Variants in ARSG observed in about 807,000 individuals in gnomAD.
ARSG encodes the protein ASG.
ARSG carries 37 observed loss-of-function variants against 50.5 expected under a neutral mutation model. The ratio of observed to expected loss-of-function variants is 0.73; its 90% confidence interval spans 0.56 to 0.96. ARSG has a LOEUF of 0.96. ARSG is among the 50% of genes least tolerant of loss of function. The probability of loss-of-function intolerance (pLI) is 0.00; values close to 1 mark genes in which losing one functional copy is unlikely to be tolerated. For missense variants in ARSG, 629 were observed against 675.3 expected (o/e 0.93, Z 0.76); for synonymous variants, 225 against 254.6 (o/e 0.88, Z 1.11).
intron 2 of ARSG, among the ~76,000 whole-genome samples, chr17:68,331,229 CTTTG>C (rs1191436964): frequency 0.024 from 598 of 24,452 alleles, 15 homozygotes; most frequent in East Asian, 0.061. Context: ...TTCTTTCTTT[CTTTG>C]TTTCTTTCTT....
At chr17:68,320,791 A>G (rs868921096) in intron 2 of ARSG, among the ~76,000 whole-genome samples, 2 of 152,194 alleles carry the variant, frequency 1.3e-5, no homozygotes, top group Non-Finnish European at 2.9e-5. Context: ...GTCACGTTGC[A>G]GTGATCTCCA....
At chr17:68,306,759 A>AT (rs2076625297) in intron 1 of ARSG, among the ~76,000 whole-genome samples, 184 bp from the exon 2 acceptor site, 1 of 152,158 alleles carries the variant, frequency 6.6e-6, no homozygotes. Context: ...CCCTGTCGCT[A>AT]TAGGTCCATT....
intron 5 of ARSG, 54 bp downstream of exon 5, chr17:68,351,740 G>C: frequency 1.7e-6 from 2 of 1,188,794 alleles, no homozygotes; most frequent in South Asian, 2.4e-5. Flanking sequence ...AAAGTTCCAA[G>C]ACTGTGGTCC....
chr17:68,417,769 A>C (rs1399554813), intron 11 of ARSG, among the ~76,000 whole-genome samples: 2 of 32,132 alleles, frequency 6.2e-5, no homozygotes, highest in Admixed American at 6.1e-4. Context: ...TTTTTTTGAG[A>C]TGGAGTCTCA....
At chr17:68,329,220 G>A (rs1487436669) in intron 2 of ARSG, among the ~76,000 whole-genome samples, 1 of 152,250 alleles carries the variant, frequency 6.6e-6, no homozygotes, top group Non-Finnish European at 1.5e-5. Context: ...CCTGAGGCCA[G>A]AACCAGCTGG....
chr17:68,384,421 G>A (rs1302097537), intron 8 of ARSG, among the ~76,000 whole-genome samples: 2 of 152,140 alleles, frequency 1.3e-5, no homozygotes, highest in Non-Finnish European at 2.9e-5. Flanking sequence ...TAGATTGCAC[G>A]TAGTTGTTTC....
At chr17:68,280,207 T>C (rs1024784761) in intron 1 of ARSG, among the ~76,000 whole-genome samples, 23 of 148,066 alleles carry the variant, frequency 1.6e-4, no homozygotes, top group African/African-American at 5.7e-4. Flanking sequence ...AAAAGAATTA[T>C]TTATATATGA....
At chr17:68,417,916 G>C (rs2082496100) in intron 11 of ARSG, among the ~76,000 whole-genome samples, 1 of 151,650 alleles carries the variant, frequency 6.6e-6, no homozygotes, top group African/African-American at 2.4e-5. Context: ...ATTTTTAGTA[G>C]AGACGGGGTT....
intron 11 of ARSG, 70 bp downstream of exon 11, chr17:68,401,520 C>T: frequency 7.0e-7 from 1 of 1,424,240 alleles, no homozygotes; most frequent in Non-Finnish European, 9.8e-7. Context: ...GACTCTCACC[C>T]AGGCCTCTGG....
chr17:68,426,609 T>C (rs1402989458), downstream of ARSG, among the ~76,000 whole-genome samples: 1 of 152,214 alleles, frequency 6.6e-6, no homozygotes, highest in Non-Finnish European at 1.5e-5. Flanking sequence ...CTCAGCTCAC[T>C]GCAATCTCCG....
chr17:68,435,980 A>C, the ARSG span, among the ~76,000 whole-genome samples: 1 of 152,352 alleles, frequency 6.6e-6, no homozygotes, highest in South Asian at 2.1e-4. Context: ...ATGCCGTCGC[A>C]GGCGCGCCCT....
At chr17:68,316,168 C>T (rs2077063255) in intron 2 of ARSG, among the ~76,000 whole-genome samples, 2 of 152,298 alleles carry the variant, frequency 1.3e-5, no homozygotes, top group South Asian at 2.1e-4. Flanking sequence ...CTCTTATTGG[C>T]GAGGTCTCTC....
chr17:68,377,527 G>A (rs754940183), intron 8 of ARSG, among the ~76,000 whole-genome samples: 3 of 152,198 alleles, frequency 2.0e-5, no homozygotes, highest in Non-Finnish European at 2.9e-5. Context: ...AGGTGGGGTT[G>A]TGGACCATTC....
At chr17:68,283,394 G>A (rs1024123471) in intron 1 of ARSG, among the ~76,000 whole-genome samples, 1 of 151,998 alleles carries the variant, frequency 6.6e-6, no homozygotes, top group Non-Finnish European at 1.5e-5. Flanking sequence ...GGTGGCGGGC[G>A]CCTGTAGTCC....
chr17:68,308,592 C>G (rs551097689), intron 2 of ARSG, among the ~76,000 whole-genome samples: 1 of 152,300 alleles, frequency 6.6e-6, no homozygotes, highest in East Asian at 1.9e-4. Flanking sequence ...AGCGAAAGAA[C>G]AAAGCTTCCA....
intron 2 of ARSG, among the ~76,000 whole-genome samples, chr17:68,321,650 T>G (rs1404289231): frequency 2.0e-5 from 3 of 152,166 alleles, no homozygotes; most frequent in Non-Finnish European, 4.4e-5. Context: ...CTCCGGGGCT[T>G]TTGTGGCAGC....
At chr17:68,441,965 A>G in the ARSG span, among the ~76,000 whole-genome samples, 1 of 152,196 alleles carries the variant, frequency 6.6e-6, no homozygotes, top group South Asian at 2.1e-4. Context: ...CTTTTATCTG[A>G]GACAGAGGAA....
intron 10 of ARSG, among the ~76,000 whole-genome samples, chr17:68,397,153 G>A (rs1049332569): frequency 3.9e-5 from 6 of 152,176 alleles, no homozygotes; most frequent in Admixed American, 1.3e-4. Context: ...GCGCAGGCTC[G>A]TAGAGACCCC....
chr17:68,275,867 C>T (rs566328832), intron 1 of ARSG, among the ~76,000 whole-genome samples: 2 of 151,644 alleles, frequency 1.3e-5, no homozygotes, highest in South Asian at 2.1e-4. Flanking sequence ...CCTGTAATCC[C>T]AGCTACTCGG....
Sources: gnomAD v4.1 joint callset for allele counts (sites outside exome capture counted in the v4.1 genomes callset) on GRCh38, gnomAD v4.1.1 for gene constraint, MANE v1.5 for transcripts, NCBI Gene and HGNC (gene_info 2026-07-23, HGNC 2026-07-21) for gene names.